Variants in DISC1 observed in about 807,000 individuals in gnomAD.
The protein encoded by DISC1 is disrupted in schizophrenia 1 protein.
Under a neutral mutation model 84.5 loss-of-function variants are expected in DISC1, and 57 were observed. The observed-to-expected ratio is 0.67, with a 90% CI of 0.55 to 0.84. The LOEUF is 0.84. DISC1 is among the 40% of genes least tolerant of loss of function. The pLI, the probability that DISC1 is intolerant of heterozygous loss-of-function variation, is 0.00. For synonymous variants in DISC1, 411 were observed against 415.2 expected (o/e 0.99, Z 0.12); for missense variants, 1,000 against 1,057.8 (o/e 0.95, Z 0.76).
At chr1:231,803,899 A>AT (rs1167834517) in intron 8 of DISC1, among the ~76,000 whole-genome samples, 3 of 138,490 alleles carry the variant, frequency 2.2e-5, no homozygotes, top group African/African-American at 8.2e-5. Flanking sequence ...GTGAGCCCAT[A>AT]TCGCGCCACT....
chr1:231,881,356 A>G (rs1008471930), intron 9 of DISC1, among the ~76,000 whole-genome samples: 8 of 152,188 alleles, frequency 5.3e-5, no homozygotes, highest in Non-Finnish European at 1.0e-4. Context: ...AGCTCTAGGG[A>G]AGGATCTGTT....
At position 231,722,756 on chromosome 1, in the gene DISC1, C is replaced by A. The variant is rs2125113695; in HGVS notation, c.1117+20732C>A. On this transcript the variant is annotated intron_variant, in intron 3 of 12. Coordinates refer to ENST00000439617, the MANE Select transcript of DISC1 (RefSeq NM_018662.3). ...AGCATCATATTCCTCTCCCTTTTAA[C>A]ATTATTTCAGGATAGCAGCTGTCTG... is the stretch of plus-strand genomic sequence containing the variant. The A allele has an allele frequency of 2.7e-6, 4 of 1,508,168 alleles. No homozygotes were observed. In the South Asian group the frequency reaches 5.1e-5, roughly 19 times the overall value. The allele number at this position is 1,508,168 out of a possible 1,614,324, so 93.4% of individuals were successfully genotyped here. A position where few individuals can be genotyped will look rare whatever the true frequency, so the allele number is the denominator to read the frequency against.
At chr1:231,996,566 G>T (rs1286545455) in intron 10 of DISC1, among the ~76,000 whole-genome samples, 1 of 152,076 alleles carries the variant, frequency 6.6e-6, no homozygotes, top group Non-Finnish European at 1.5e-5. Context: ...AGAGAGTTTG[G>T]TTATAAGAGC....
At chr1:232,003,092 A>AT (rs1484283471) in intron 10 of DISC1, among the ~76,000 whole-genome samples, 1 of 152,158 alleles carries the variant, frequency 6.6e-6, no homozygotes, top group Admixed American at 6.5e-5. Context: ...AAAGAAGGGA[A>AT]TTTTTTTAAT....
rs1363077941 is a variant in DISC1 at position 232,039,230 on chromosome 1, G to A, written c.*2399G>A. On this transcript the variant is annotated 3_prime_UTR_variant, in exon 13 of 13. Transcript: ENST00000439617. ...CAAAACTTGGGAAGAGTCAGGATTG[G>A]CCACATTGCCAATAACAAATTCCTA... The A allele has an allele frequency of 6.6e-6, 1 of 152,134 alleles. No individual in the cohort carries two copies. The highest frequency in any genetic ancestry group is 1.5e-5 in the Non-Finnish European group (1 of 68,020). The allele number at this position is 152,134 out of a possible 1,614,324, so 9.4% of individuals were successfully genotyped here.
chr1:232,035,520 A>T (rs1047869245), intron 12 of DISC1, among the ~76,000 whole-genome samples: 7 of 152,200 alleles, frequency 4.6e-5, no homozygotes, highest in Non-Finnish European at 1.0e-4. Context: ...TGTTGCATTG[A>T]CATTGCACTT....
intron 9 of DISC1, 82 bp downstream of exon 9, chr1:231,818,599 TA>T: frequency 6.3e-7 from 1 of 1,582,076 alleles, no homozygotes; most frequent in Non-Finnish European, 8.6e-7. Context: ...TTCTGTGCCT[TA>T]TGTGAACGTC....
chr1:231,946,165 A>G (rs996405127), intron 9 of DISC1, among the ~76,000 whole-genome samples: 2 of 152,188 alleles, frequency 1.3e-5, no homozygotes, highest in Non-Finnish European at 2.9e-5. Context: ...CAAAAAAAGA[A>G]AATTTCAGGC....
intron 10 of DISC1, among the ~76,000 whole-genome samples, chr1:231,976,405 G>A (rs1367483798): frequency 1.3e-5 from 2 of 152,212 alleles, no homozygotes; most frequent in Non-Finnish European, 2.9e-5. Flanking sequence ...CACCGCTAAT[G>A]TGTTCCTGAA....
chr1:231,773,522 C>T (rs1379664882), intron 6 of DISC1, among the ~76,000 whole-genome samples: 3 of 152,096 alleles, frequency 2.0e-5, no homozygotes, highest in Admixed American at 6.5e-5. Context: ...GTAGCTGGGA[C>T]TACAGGCTTG....
intron 1 of DISC1, among the ~76,000 whole-genome samples, chr1:231,644,465 G>A (rs985264281): frequency 4.6e-5 from 7 of 152,146 alleles, no homozygotes; most frequent in African/African-American, 1.4e-4. Flanking sequence ...CCAGTAAGAC[G>A]GAGAGAAAAA....
intron 1 of DISC1, among the ~76,000 whole-genome samples, chr1:231,634,719 A>G (rs931365588): frequency 6.6e-6 from 1 of 152,158 alleles, no homozygotes; most frequent in African/African-American, 2.4e-5. Flanking sequence ...CCTACTGTAT[A>G]CACAGTACAG....
intron 3 of DISC1, among the ~76,000 whole-genome samples, chr1:231,747,283 A>G (rs1223097276): frequency 6.6e-6 from 1 of 152,134 alleles, no homozygotes; most frequent in Non-Finnish European, 1.5e-5. Context: ...ATAAAATCTC[A>G]CTTGTTTAGT....
chr1:231,869,098 T>C (rs558525465), intron 9 of DISC1, among the ~76,000 whole-genome samples: 9 of 152,178 alleles, frequency 5.9e-5, no homozygotes, highest in African/African-American at 2.2e-4. Context: ...CTTGAAGACA[T>C]TTAGTCTGGG....
intron 9 of DISC1, among the ~76,000 whole-genome samples, chr1:231,878,522 T>C (rs550969886): frequency 2.0e-4 from 31 of 152,108 alleles, no homozygotes; most frequent in African/African-American, 7.5e-4. Flanking sequence ...TAGCCCTGGG[T>C]TCAAGACACA....
intron 1 of DISC1, among the ~76,000 whole-genome samples, chr1:231,641,667 C>T (rs1465202889): frequency 1.3e-5 from 2 of 152,236 alleles, no homozygotes; most frequent in Non-Finnish European, 2.9e-5. Context: ...ACAGCCCAGT[C>T]GTCTGTTTTG....
intron 8 of DISC1, among the ~76,000 whole-genome samples, chr1:231,805,820 C>A (rs1573958854): frequency 1.3e-5 from 2 of 152,280 alleles, no homozygotes; most frequent in South Asian, 4.2e-4. Context: ...AAAGTACAGC[C>A]CTGAGCTCTA....
intron 3 of DISC1, among the ~76,000 whole-genome samples, chr1:231,736,583 C>A (rs1004938428): frequency 1.3e-5 from 2 of 152,220 alleles, no homozygotes; most frequent in African/African-American, 4.8e-5. Context: ...ATAAACTCAA[C>A]AAACTCCAGT....
chr1:231,889,452 G>A (rs1339565812), intron 9 of DISC1, among the ~76,000 whole-genome samples: 1 of 152,230 alleles, frequency 6.6e-6, no homozygotes, highest in South Asian at 2.1e-4. Flanking sequence ...ATCATCGCTG[G>A]TGTGATAAAA....
Sources: allele counts gnomAD v4.1 joint callset (sites outside exome capture counted in the v4.1 genomes callset), GRCh38; gene constraint gnomAD v4.1.1; transcripts MANE v1.5; gene names NCBI Gene and HGNC (gene_info 2026-07-23, HGNC 2026-07-21).